FHIT: variants seen among roughly 807,000 people sequenced by gnomAD.
FHIT encodes bis(5'-adenosyl)-triphosphatase.
FHIT carries 19 observed loss-of-function variants against 17.9 expected under a neutral mutation model. That is an observed-to-expected ratio of 1.06 (90% CI 0.74 to 1.56). FHIT has a LOEUF of 1.56. FHIT is among the 40% of genes most tolerant of loss of function. FHIT has a pLI of 0.00. For missense variants in FHIT, 248 were observed against 189.2 expected (o/e 1.31, Z -1.82); for synonymous variants, 81 against 69.7 (o/e 1.16, Z -0.81).
chr3:60,101,591 C>T (rs13314734), intron 5 of FHIT, among the ~76,000 whole-genome samples: 20,049 of 152,156 alleles, frequency 0.13, 1,990 homozygotes, highest in African/African-American at 0.28. Context: ...ATTGTCTTTA[C>T]GTATTGACTT....
intron 4 of FHIT, among the ~76,000 whole-genome samples, chr3:60,579,412 C>G (rs9845479): frequency 2.0e-5 from 3 of 151,874 alleles, no homozygotes; most frequent in Admixed American, 1.3e-4. Context: ...TACTCTACCA[C>G]TGATCAAAAT....
chr3:59,950,205 G>C (rs1435828915), intron 7 of FHIT, among the ~76,000 whole-genome samples: 2 of 152,148 alleles, frequency 1.3e-5, no homozygotes, highest in Non-Finnish European at 2.9e-5. Context: ...CTAAAGTAAA[G>C]CATAATATAA....
chr3:60,852,170 C>T (rs956967283), intron 3 of FHIT, among the ~76,000 whole-genome samples: 1 of 152,112 alleles, frequency 6.6e-6, no homozygotes, highest in Non-Finnish European at 1.5e-5. Flanking sequence ...GAGGAAACTC[C>T]TCTTACCTGA....
intron 5 of FHIT, among the ~76,000 whole-genome samples, chr3:60,347,996 T>C (rs111837446): frequency 0.14 from 21,841 of 152,076 alleles, 1,675 homozygotes; most frequent in Non-Finnish European, 0.16. Context: ...TCACCTCAGT[T>C]GATCCACCCT....
chr3:61,154,879 G>A (rs945434626), intron 2 of FHIT, among the ~76,000 whole-genome samples: 4 of 152,180 alleles, frequency 2.6e-5, no homozygotes, highest in East Asian at 1.9e-4. Flanking sequence ...CCTCAGATGC[G>A]CTCCAATTCA....
rs1311052909 is a variant in FHIT, at chr3:60,889,122, C to A, written c.-110-67111G>T. Among the ~76,000 whole-genome samples, 2 of 152,144 alleles carry A rather than the reference C, an allele frequency of 1.3e-5. 1 individual carries two copies. The highest frequency in any genetic ancestry group is 2.9e-5 in the Non-Finnish European group (2 of 67,982). The stretch of plus-strand genomic sequence containing the variant: ...CACCCTGACTCATTCTGATTACCTG[C>A]TACCTGCTCTGCCCTGACTCATTCT... On this transcript the variant is annotated intron_variant, in intron 3 of 9. Coordinates refer to ENST00000492590, the MANE Select transcript of FHIT (RefSeq NM_002012.4).
chr3:60,042,286 T>TA (rs1285754979), intron 5 of FHIT, among the ~76,000 whole-genome samples: 2 of 152,256 alleles, frequency 1.3e-5, no homozygotes, highest in Non-Finnish European at 2.9e-5. Context: ...TGAAGTATCT[T>TA]ACTTTTTTCT....
At chr3:60,226,207 T>A (rs932565867) in intron 5 of FHIT, among the ~76,000 whole-genome samples, 5 of 152,078 alleles carry the variant, frequency 3.3e-5, no homozygotes, top group Non-Finnish European at 5.9e-5. Flanking sequence ...GCGCAGTGGC[T>A]CACACCTATA....
At chr3:61,092,775 T>C (rs1366521071) in intron 2 of FHIT, among the ~76,000 whole-genome samples, 1 of 152,180 alleles carries the variant, frequency 6.6e-6, no homozygotes, top group Non-Finnish European at 1.5e-5. Context: ...CATTTTGTTT[T>C]GGTAATTTTT....
intron 5 of FHIT, among the ~76,000 whole-genome samples, chr3:60,510,905 T>C (rs2034927832): frequency 6.6e-6 from 1 of 152,190 alleles, no homozygotes; most frequent in Non-Finnish European, 1.5e-5. Context: ...CATAATAGAA[T>C]CATAGTCTCT....
At chr3:60,099,107 C>T (rs747864709) in intron 5 of FHIT, among the ~76,000 whole-genome samples, 1 of 152,108 alleles carries the variant, frequency 6.6e-6, no homozygotes, top group Non-Finnish European at 1.5e-5. Flanking sequence ...GCCTAAAACC[C>T]AACACTCCAG....
At chr3:60,530,046 G>A (rs200401798) in intron 5 of FHIT, among the ~76,000 whole-genome samples, 1 of 152,102 alleles carries the variant, frequency 6.6e-6, no homozygotes, top group Non-Finnish European at 1.5e-5. Context: ...TTTTTCTCCT[G>A]TAATGCATAA....
At chr3:60,229,774 AT>A (rs1236548185) in intron 5 of FHIT, among the ~76,000 whole-genome samples, 1 of 152,172 alleles carries the variant, frequency 6.6e-6, no homozygotes, top group Non-Finnish European at 1.5e-5. Context: ...ATGGCCAGGC[AT>A]TGAAGACTGG....
chr3:60,571,056 A>T (rs938764693), intron 4 of FHIT, among the ~76,000 whole-genome samples: 1 of 152,006 alleles, frequency 6.6e-6, no homozygotes, highest in Non-Finnish European at 1.5e-5. Context: ...GGCTGGGCAC[A>T]GTGGCTCTCA....
At chr3:59,911,294 C>T (rs762071593) in intron 8 of FHIT, among the ~76,000 whole-genome samples, 2 of 152,164 alleles carry the variant, frequency 1.3e-5, no homozygotes, top group Non-Finnish European at 2.9e-5. Flanking sequence ...CTCACACACA[C>T]TCTGATGTAA....
At chr3:60,814,430 T>C (rs1701668279) in intron 4 of FHIT, among the ~76,000 whole-genome samples, 1 of 152,156 alleles carries the variant, frequency 6.6e-6, no homozygotes, top group South Asian at 2.1e-4. Context: ...CAAAGTTTAG[T>C]TCCTACTTAC....
chr3:60,402,436 G>T (rs1701699561), intron 5 of FHIT, among the ~76,000 whole-genome samples: 1 of 152,124 alleles, frequency 6.6e-6, no homozygotes, highest in Admixed American at 6.5e-5. Flanking sequence ...TCCAGGTATA[G>T]TTATAATCCT....
At chr3:60,415,000 C>T (rs1702192352) in intron 5 of FHIT, among the ~76,000 whole-genome samples, 1 of 152,070 alleles carries the variant, frequency 6.6e-6, no homozygotes, top group African/African-American at 2.4e-5. Context: ...GTGTAGATTA[C>T]CAGAGCCATC....
intron 5 of FHIT, among the ~76,000 whole-genome samples, chr3:60,130,558 T>C (rs993037350): frequency 1.3e-5 from 2 of 152,154 alleles, no homozygotes; most frequent in Non-Finnish European, 2.9e-5. Context: ...TCATATCAAC[T>C]GATCTGTATT....
Sources: gnomAD v4.1 joint callset for allele counts (sites outside exome capture counted in the v4.1 genomes callset) on GRCh38, gnomAD v4.1.1 for gene constraint, MANE v1.5 for transcripts, NCBI Gene and HGNC (gene_info 2026-07-23, HGNC 2026-07-21) for gene names.